The following OXSR1 variants were observed in gnomAD, a reference collection of about 807,000 sequenced individuals.
OXSR1 encodes the protein serine/threonine-protein kinase OSR1.
Under a neutral mutation model 79.8 loss-of-function variants are expected in OXSR1, and 24 were observed. The observed-to-expected ratio is 0.30, with a 90% CI of 0.22 to 0.42. OXSR1 has a LOEUF of 0.42. Among genes scored for constraint, OXSR1 ranks in the 10% least tolerant of loss-of-function variants. OXSR1 has a pLI of 1.00. For synonymous variants in OXSR1, 226 were observed against 209.2 expected (o/e 1.08, Z -0.69); for missense variants, 430 against 618.4 (o/e 0.70, Z 3.23).
intron 4 of OXSR1, 49 bp from the exon 5 acceptor site, chr3:38,216,047 C>T (rs773125937): frequency 1.7e-6 from 2 of 1,163,712 alleles, no homozygotes; most frequent in East Asian, 2.4e-5. Flanking sequence ...TTATGTTACT[C>T]CAAAGAATAG....
rs763596716 is a variant in OXSR1, at chr3:38,165,953, G to A, written c.70+7G>A. ...GAGCTGCAGGAGGTGATCGGTGAGA[G>A]CAGGCGCTGCGGAGGGGGGAGGCGC... is the stretch of plus-strand genomic sequence containing the variant. On this transcript the variant is annotated splice_region_variant and intron_variant, in intron 1 of 17. Transcript: ENST00000311806. 4 of 1,609,254 alleles carry A rather than the reference G, an allele frequency of 2.5e-6. No homozygotes were observed. Among genetic ancestry groups the A allele is most frequent in the Non-Finnish European group, 3.4e-6 (4 of 1,178,516 alleles).
At chr3:38,252,232 G>T in intron 16 of OXSR1, 96 bp from the exon 17 acceptor site, 2 of 832,778 alleles carry the variant, frequency 2.4e-6, no homozygotes, top group Non-Finnish European at 4.2e-6. Flanking sequence ...ATTGTACGGA[G>T]CATATTCTTA....
At position 38,169,449 on chromosome 3, in the gene OXSR1, G is replaced by A. The variant is rs549939608; in HGVS notation, c.70+3503G>A. Among the ~76,000 whole-genome samples, 14 of 152,156 alleles carry A rather than the reference G, an allele frequency of 9.2e-5. No homozygotes were observed. In the South Asian group the frequency reaches 2.9e-3, roughly 32 times the overall value. ...GCCTCCTGAGTAGCTGGGGTTATAG[G>A]TGCCTGCCACCATGCCCAGCTAATT... On this transcript the variant is annotated intron_variant, in intron 1 of 17. Transcript: ENST00000311806.
chr3:38,228,417 A>T (rs1456103418), intron 8 of OXSR1, among the ~76,000 whole-genome samples: 1 of 152,226 alleles, frequency 6.6e-6, no homozygotes, highest in East Asian at 1.9e-4. Context: ...TTTCACATTT[A>T]TTCAGCTTTT....
intron 4 of OXSR1, among the ~76,000 whole-genome samples, chr3:38,208,213 T>C (rs1319164205): frequency 6.6e-6 from 1 of 151,958 alleles, no homozygotes; most frequent in Non-Finnish European, 1.5e-5. Context: ...CGTACCCCAT[T>C]TTTAGCGATT....
chr3:38,184,869 T>G (rs1373109863), intron 2 of OXSR1, among the ~76,000 whole-genome samples: 1 of 113,450 alleles, frequency 8.8e-6, no homozygotes, highest in African/African-American at 3.2e-5. Flanking sequence ...AACAAAATGA[T>G]TATAATCTTA....
rs2125814129 is a variant in OXSR1, at chr3:38,190,727, G to A, written c.184-4G>A. ...TGAATTATTATGTTTTCTCTTCTTT[G>A]TAGAAAGAAATTCAAGCCATGAGTC... On this transcript the variant is annotated splice_polypyrimidine_tract_variant and splice_region_variant and intron_variant, in intron 2 of 17. Transcript: ENST00000311806. The A allele has an allele frequency of 3.4e-6, 5 of 1,472,238 alleles. No individual in the cohort carries two copies. The highest frequency in any genetic ancestry group is 1.7e-5 in the Admixed American group (1 of 59,228). 91.2% of individuals were successfully genotyped at this position (1,472,238 alleles called of 1,614,324 possible).
chr3:38,176,115 ATATT>A (rs992839993), intron 1 of OXSR1, among the ~76,000 whole-genome samples: 1 of 152,164 alleles, frequency 6.6e-6, no homozygotes, highest in Non-Finnish European at 1.5e-5. Flanking sequence ...GTATGTATGA[ATATT>A]TATACTGAAG....
chr3:38,192,621 A>G (rs1003743371), intron 3 of OXSR1, among the ~76,000 whole-genome samples: 3 of 152,252 alleles, frequency 2.0e-5, no homozygotes, highest in African/African-American at 7.2e-5. Flanking sequence ...TATATATACA[A>G]GTATTTCTAC....
intron 4 of OXSR1, among the ~76,000 whole-genome samples, chr3:38,209,633 C>A (rs1253323400): frequency 2.3e-5 from 3 of 132,228 alleles, no homozygotes; most frequent in Non-Finnish European, 4.8e-5. Context: ...ATCAATTATA[C>A]TTTTTTTTTT....
In OXSR1 at chr3:38,217,708, G is replaced by A. The variant is rs1003173406; in HGVS notation, c.490+1557G>A. Among the ~76,000 whole-genome samples the A allele has an allele frequency of 3.3e-5, 5 of 151,956 alleles. No homozygotes were observed. In the East Asian group the frequency reaches 9.7e-4, roughly 29 times the overall value. On this transcript the variant is annotated intron_variant, in intron 5 of 17. Transcript: ENST00000311806. ...CCACCGACTAATTTTTGTATTTGTA[G>A]TAGAGACAGTGTTTCTCCATGTTGG...
At chr3:38,208,337 A>G (rs1301923479) in intron 4 of OXSR1, among the ~76,000 whole-genome samples, 1 of 152,172 alleles carries the variant, frequency 6.6e-6, no homozygotes, top group East Asian at 1.9e-4. Flanking sequence ...TTATTGGGAC[A>G]CAACTCCATT....
At chr3:38,193,658 GTA>G (rs1434107239) in intron 3 of OXSR1, among the ~76,000 whole-genome samples, 5 of 148,606 alleles carry the variant, frequency 3.4e-5, no homozygotes, top group African/African-American at 1.0e-4. Context: ...CTCTCAGTGA[GTA>G]TATGTCTTGA....
At chr3:38,187,999 G>A (rs1701914520) in intron 2 of OXSR1, among the ~76,000 whole-genome samples, 1 of 152,104 alleles carries the variant, frequency 6.6e-6, no homozygotes, top group South Asian at 2.1e-4. Flanking sequence ...TTGAAAGGAG[G>A]AAAGGATAAC....
intron 4 of OXSR1, among the ~76,000 whole-genome samples, chr3:38,207,014 C>T (rs886170576): frequency 2.0e-5 from 3 of 152,194 alleles, no homozygotes; most frequent in Non-Finnish European, 4.4e-5. Flanking sequence ...GTATTTAGCA[C>T]ACAAGAATCA....
intron 4 of OXSR1, among the ~76,000 whole-genome samples, chr3:38,212,840 C>G (rs1024058858): frequency 6.6e-6 from 1 of 152,152 alleles, no homozygotes; most frequent in South Asian, 2.1e-4. Context: ...TAAAAAAGTT[C>G]TTTAACTGGG....
At chr3:38,230,309 T>A in intron 9 of OXSR1, 56 bp from the exon 10 acceptor site, 1 of 1,092,894 alleles carries the variant, frequency 9.2e-7, no homozygotes. Context: ...TTTTTGTGGG[T>A]TTTTTTTGGT....
intron 1 of OXSR1, among the ~76,000 whole-genome samples, chr3:38,171,539 A>G (rs1701581761): frequency 6.6e-6 from 1 of 152,192 alleles, no homozygotes; most frequent in Non-Finnish European, 1.5e-5. Context: ...GCTTCTCAGC[A>G]GTATACTATT....
chr3:38,233,288 C>G (rs1027091868), intron 10 of OXSR1, among the ~76,000 whole-genome samples: 2 of 152,102 alleles, frequency 1.3e-5, no homozygotes, highest in African/African-American at 4.8e-5. Flanking sequence ...GGCTTATTAC[C>G]CCATAGACAA....
Sources: gnomAD v4.1 joint callset for allele counts (sites outside exome capture counted in the v4.1 genomes callset) on GRCh38, gnomAD v4.1.1 for gene constraint, MANE v1.5 for transcripts, NCBI Gene and HGNC (gene_info 2026-07-23, HGNC 2026-07-21) for gene names.